The following LRRC4C variants were observed in gnomAD, a reference collection of about 807,000 sequenced individuals.
LRRC4C encodes leucine-rich repeat-containing protein 4C.
In LRRC4C, 5 loss-of-function variants were observed where a neutral mutation model predicts 33.6. The observed-to-expected ratio is 0.15, with a 90% CI of 0.08 to 0.31. The LOEUF is 0.31. Ranked by LOEUF, LRRC4C falls within the 10% of genes least tolerant of loss-of-function variation. The pLI, the probability that LRRC4C is intolerant of heterozygous loss-of-function variation, is 1.00. For synonymous variants in LRRC4C, 329 were observed against 302.0 expected, an observed-to-expected ratio of 1.09 and a Z score of -0.93; for missense variants, 560 against 796.7, an observed-to-expected ratio of 0.70 and a Z score of 3.58.
intron 1 of LRRC4C, among the ~76,000 whole-genome samples, chr11:41,282,300 T>C (rs1591150464): frequency 1.3e-5 from 2 of 152,176 alleles, no homozygotes; most frequent in East Asian, 3.9e-4. Flanking sequence ...TCTGCAATCA[T>C]ATGGTTATAA....
intron 3 of LRRC4C, among the ~76,000 whole-genome samples, chr11:40,600,564 C>A (rs990451230): frequency 6.6e-6 from 1 of 152,136 alleles, no homozygotes; most frequent in African/African-American, 2.4e-5. Flanking sequence ...TGACACCCCC[C>A]AGTACTGCTG....
intron 1 of LRRC4C, among the ~76,000 whole-genome samples, chr11:41,069,073 G>A (rs567830296): frequency 1.3e-5 from 2 of 152,260 alleles, no homozygotes; most frequent in African/African-American, 4.8e-5. Context: ...AAACCACCAT[G>A]ATGAAGTTGG....
intron 1 of LRRC4C, among the ~76,000 whole-genome samples, chr11:41,303,896 G>T (rs1407975508): frequency 2.8e-5 from 2 of 71,768 alleles, no homozygotes; most frequent in African/African-American, 8.7e-5. Context: ...CCCAGCAGCT[G>T]CCCGGTCTGA....
Position 40,115,524 on chromosome 11 carries a change from C to G in LRRC4C, c.769G>C (p.Val257Leu). Residue 257 changes from valine (V) to leucine (L), a missense_variant, in exon 7 of 7, where the codon GTG becomes CTG. Physicochemically the swap from Val to Leu is conservative, Grantham distance 32. This residue lies in a region of LRRC4C where 455 missense variants were observed against 643.8 expected (regional missense o/e 0.71). Coordinates refer to ENST00000528697, the MANE Select transcript of LRRC4C (RefSeq NM_001258419.2). This position sits in a 1 kb window ranked among gnomAD's most constrained non-coding sequence, Gnocchi z 6.7. ...TTGTCAAAGGCATTCCGTTCAATCA[C>G]TTGAATCTGGGACTGTATCATCCAC... ...KLWMIQSQIQ[V>L]IERNAFDNLQ... The G allele has an allele frequency of 6.2e-7, 1 of 1,614,200 alleles. No individual in the cohort carries two copies. Among genetic ancestry groups the G allele is most frequent in the Non-Finnish European group, 8.5e-7 (1 of 1,180,038 alleles).
chr11:40,216,842 G>T (rs1377114), intron 5 of LRRC4C, among the ~76,000 whole-genome samples: 5,827 of 152,234 alleles, frequency 0.038, 136 homozygotes, highest in South Asian at 0.1. Context: ...GGGGAATTCA[G>T]GGATGGACAG....
At chr11:40,329,992 C>T (rs560037364) in intron 3 of LRRC4C, among the ~76,000 whole-genome samples, 8 of 152,022 alleles carry the variant, frequency 5.3e-5, no homozygotes, top group African/African-American at 9.7e-5. Flanking sequence ...CCACCCACTT[C>T]GGCCTCCCAA....
intron 1 of LRRC4C, among the ~76,000 whole-genome samples, chr11:41,371,666 T>C (rs1952752041): frequency 6.6e-6 from 1 of 152,220 alleles, no homozygotes; most frequent in South Asian, 2.1e-4. Flanking sequence ...TTCTTCTAAA[T>C]TAAAAAGCAT....
intron 5 of LRRC4C, among the ~76,000 whole-genome samples, chr11:40,215,709 T>C (rs1247591707): frequency 6.6e-6 from 1 of 152,140 alleles, no homozygotes; most frequent in Non-Finnish European, 1.5e-5. Flanking sequence ...ATGCCCTTGG[T>C]CTTGACTGCA....
intron 2 of LRRC4C, among the ~76,000 whole-genome samples, chr11:40,798,111 G>A (rs1050814735): frequency 5.3e-5 from 8 of 152,148 alleles, no homozygotes; most frequent in Admixed American, 3.3e-4. Flanking sequence ...AAGAGTCCCT[G>A]TTCATTAGAC....
intron 1 of LRRC4C, among the ~76,000 whole-genome samples, chr11:41,192,322 ATG>A (rs112844436): frequency 0.49 from 71,042 of 146,010 alleles, 18,615 homozygotes; most frequent in South Asian, 0.6. Context: ...CATGAATTAA[ATG>A]TGTGTGTGTG....
chr11:40,596,957 A>G (rs1264787391), intron 3 of LRRC4C, among the ~76,000 whole-genome samples: 1 of 152,246 alleles, frequency 6.6e-6, no homozygotes, highest in African/African-American at 2.4e-5. Context: ...GATAGTCCGT[A>G]TTCTTAACAA....
intron 1 of LRRC4C, among the ~76,000 whole-genome samples, chr11:41,161,858 T>C (rs1944485886): frequency 6.6e-6 from 1 of 152,208 alleles, no homozygotes; most frequent in Non-Finnish European, 1.5e-5. Flanking sequence ...ACCTGAGTTC[T>C]AGAGAGGTAA....
At chr11:40,507,106 G>C (rs1002246975) in intron 3 of LRRC4C, among the ~76,000 whole-genome samples, 2 of 151,996 alleles carry the variant, frequency 1.3e-5, no homozygotes, top group African/African-American at 2.4e-5. Context: ...TATTGGAATA[G>C]GGATTGCCTT....
chr11:41,067,693 A>T (rs1365104391), intron 1 of LRRC4C, among the ~76,000 whole-genome samples: 1 of 152,196 alleles, frequency 6.6e-6, no homozygotes, highest in African/African-American at 2.4e-5. Context: ...ATGCAAAAGA[A>T]TTAATAACAG....
At chr11:41,136,399 C>A (rs1270987295) in intron 1 of LRRC4C, among the ~76,000 whole-genome samples, 2 of 151,904 alleles carry the variant, frequency 1.3e-5, no homozygotes, top group Non-Finnish European at 2.9e-5. Context: ...TACAGATGAA[C>A]AAAAGAGATG....
intron 1 of LRRC4C, among the ~76,000 whole-genome samples, chr11:41,104,174 A>C (rs1037533092): frequency 3.3e-5 from 5 of 151,942 alleles, no homozygotes; most frequent in Non-Finnish European, 7.4e-5. Context: ...AAAGGTTGGC[A>C]ACAGGAGAAA....
intron 4 of LRRC4C, among the ~76,000 whole-genome samples, chr11:40,283,851 C>T (rs1462491496): frequency 6.6e-5 from 10 of 151,842 alleles, no homozygotes; most frequent in African/African-American, 1.9e-4. Context: ...ACTATAGGCA[C>T]GTGCCACCAC....
intron 1 of LRRC4C, among the ~76,000 whole-genome samples, chr11:41,109,643 G>T (rs577717708): frequency 2.6e-5 from 4 of 151,958 alleles, no homozygotes; most frequent in African/African-American, 9.7e-5. Flanking sequence ...TAAAAAGTGC[G>T]TAACGGAACT....
At chr11:40,661,970 G>A (rs1943462264) in intron 2 of LRRC4C, among the ~76,000 whole-genome samples, 2 of 152,152 alleles carry the variant, frequency 1.3e-5, no homozygotes, top group African/African-American at 4.8e-5. Context: ...GTGGAGAAAA[G>A]GAATGAGGAA....
Sources: allele counts gnomAD v4.1 joint callset (sites outside exome capture counted in the v4.1 genomes callset), GRCh38; gene constraint gnomAD v4.1.1; regional missense constraint gnomAD v4.1.1; non-coding constraint Gnocchi (gnomAD v3.1); transcripts MANE v1.5; gene names NCBI Gene and HGNC (gene_info 2026-07-23, HGNC 2026-07-21).